HBP1: variants seen among roughly 807,000 people sequenced by gnomAD.
The protein encoded by HBP1 is HMG-box transcription factor 1, also known as HMG box-containing protein 1.
A neutral mutation model predicts 62.6 loss-of-function variants in HBP1; 20 were observed. The observed-to-expected ratio is 0.32, with a 90% CI of 0.22 to 0.46. HBP1 has a LOEUF of 0.46. HBP1 is among the 20% of genes least tolerant of loss of function. HBP1 has a pLI of 1.00. For missense variants in HBP1, 480 were observed against 611.8 expected, an observed-to-expected ratio of 0.78 and a Z score of 2.27; for synonymous variants, 232 against 206.2, an observed-to-expected ratio of 1.12 and a Z score of -1.07.
At position 107,171,073 on chromosome 7, in the gene HBP1, A is replaced by ATATATTTT; in HGVS notation, c.-16+1889_-16+1890insATATTTTT. Among the ~76,000 whole-genome samples the ATATATTTT allele has an allele frequency of 6.7e-4, 58 of 87,200 alleles. 5 individuals are homozygous for ATATATTTT. Among genetic ancestry groups the ATATATTTT allele is most frequent in the African/African-American group, 3.2e-3 (48 of 15,124 alleles). 57.2% of individuals were successfully genotyped at this position (87,200 alleles called of 152,430 possible). ...TATATATATATATATATATATATAT[A>ATATATTTT]TTTTTTTTTTTTTTTGAGAGGGAGT... On this transcript the variant is annotated intron_variant, in intron 1 of 10. Transcript: ENST00000222574.
chr7:107,186,986 C>G (rs1797409468), intron 6 of HBP1, among the ~76,000 whole-genome samples: 1 of 152,198 alleles, frequency 6.6e-6, no homozygotes, highest in African/African-American at 2.4e-5. Flanking sequence ...GGCGCAGTGG[C>G]TCATGCCTGT....
intron 1 of HBP1, among the ~76,000 whole-genome samples, chr7:107,175,156 C>T (rs1225804999): frequency 6.6e-6 from 1 of 151,910 alleles, no homozygotes; most frequent in Non-Finnish European, 1.5e-5. Flanking sequence ...TGTCCATAGA[C>T]TCAAAGAGAC....
chr7:107,169,594 C>T (rs1444005948), intron 1 of HBP1: 2 of 232,214 alleles, frequency 8.6e-6, no homozygotes, highest in Non-Finnish European at 1.3e-5. Flanking sequence ...GGAGCTTGGC[C>T]AGGGGTGGGG....
intron 8 of HBP1, among the ~76,000 whole-genome samples, chr7:107,191,319 T>C (rs1388826619): frequency 6.6e-6 from 1 of 152,184 alleles, no homozygotes. Context: ...ATACACTCTT[T>C]TTTGAAAAAC....
At position 107,195,944 on chromosome 7, in the gene HBP1, G is replaced by C. The variant is rs1295324608; in HGVS notation, c.1178G>C (p.Arg393Thr). The stretch of plus-strand genomic sequence containing the variant: ...GGACCTGGTGGTCAAGACTTTGCAA[G>C]ATCTGGATTCAGTAAAAACTGTGGC... ...CGGPGGQDFA[R>T]SGFSKNCGSP... is the part of the protein sequence containing the mutation. Residue 393 changes from arginine to threonine, a missense_variant, in exon 9 of 11, where the codon AGA becomes ACA. Coordinates refer to ENST00000222574, the MANE Select transcript of HBP1 (RefSeq NM_012257.4). The C allele has an allele frequency of 6.2e-7, 1 of 1,614,042 alleles. No individual in the cohort carries two copies. Among genetic ancestry groups the C allele is most frequent in the Admixed American group, 1.7e-5 (1 of 60,018 alleles).
intron 2 of HBP1, among the ~76,000 whole-genome samples, chr7:107,182,111 T>G (rs1315852368): frequency 6.6e-6 from 1 of 151,182 alleles, no homozygotes; most frequent in Non-Finnish European, 1.5e-5. Context: ...TGCCTTTTTC[T>G]TCATTAACTT....
chr7:107,189,736 A>G (rs1423756709), intron 7 of HBP1: 1 of 257,796 alleles, frequency 3.9e-6, no homozygotes, highest in African/African-American at 2.2e-5. Context: ...GTGATCTAGT[A>G]ATCACATTTT....
intron 1 of HBP1, among the ~76,000 whole-genome samples, chr7:107,179,388 A>C (rs1797003900): frequency 1.3e-5 from 2 of 152,204 alleles, no homozygotes; most frequent in African/African-American, 4.8e-5. Flanking sequence ...TTTAGTGCTG[A>C]GTATTCAGTT....
At chr7:107,188,985 A>G (rs574920640) in intron 6 of HBP1, among the ~76,000 whole-genome samples, 10 of 152,178 alleles carry the variant, frequency 6.6e-5, no homozygotes, top group Non-Finnish European at 1.3e-4. Context: ...GCATCTTTCT[A>G]AATTGCATTC....
At chr7:107,200,017 T>C in intron 9 of HBP1, 143 bp from the exon 10 acceptor site, 3 of 577,814 alleles carry the variant, frequency 5.2e-6, no homozygotes, top group South Asian at 2.9e-5. Context: ...ATGAGCATTA[T>C]GGCCTTGACC....
At position 107,195,818 on chromosome 7, in the gene HBP1, T is replaced by A. The variant is rs760534490; in HGVS notation, c.1068-16T>A. On this transcript the variant is annotated splice_polypyrimidine_tract_variant and intron_variant, in intron 8 of 10. Transcript: ENST00000222574. ...AAAATTGAATTAAAATATTATTATT[T>A]TTTTTAATTTTATAGCTATGACTTC... The A allele has an allele frequency of 8.2e-5, 99 of 1,205,492 alleles. No homozygotes were observed. Among genetic ancestry groups the A allele is most frequent in the African/African-American group, 3.1e-4 (20 of 65,106 alleles). 74.7% of individuals were successfully genotyped at this position (1,205,492 alleles called of 1,614,324 possible).
chr7:107,170,460 A>C (rs1796500058), intron 1 of HBP1, among the ~76,000 whole-genome samples: 1 of 151,976 alleles, frequency 6.6e-6, no homozygotes, highest in African/African-American at 2.4e-5. Flanking sequence ...CTTGCAAATG[A>C]GTGTGGTAGA....
chr7:107,199,014 G>A (rs1384512786), intron 9 of HBP1, among the ~76,000 whole-genome samples: 1 of 151,954 alleles, frequency 6.6e-6, no homozygotes, highest in African/African-American at 2.4e-5. Flanking sequence ...ACCATTATAT[G>A]GTACCTGTAA....
chr7:107,169,645 C>T (rs1381116832), intron 1 of HBP1: 33 of 711,502 alleles, frequency 4.6e-5, no homozygotes, highest in South Asian at 6.2e-5. Flanking sequence ...GCGCCGCCTC[C>T]TTCTGGACTG....
chr7:107,175,756 GC>G (rs61263638), intron 1 of HBP1, among the ~76,000 whole-genome samples: 14,744 of 140,904 alleles, frequency 0.1, 2,074 homozygotes, highest in African/African-American at 0.32. Context: ...TTGCTCTGTC[GC>G]CCAGGCTGGA....
At chr7:107,194,277 A>G (rs527994269) in intron 8 of HBP1, among the ~76,000 whole-genome samples, 1 of 152,324 alleles carries the variant, frequency 6.6e-6, no homozygotes, top group South Asian at 2.1e-4. Flanking sequence ...AATTTTAGTA[A>G]TTAGCTTACC....
chr7:107,200,507 C>T, intron 10 of HBP1: 1 of 386,176 alleles, frequency 2.6e-6, no homozygotes, highest in Non-Finnish European at 4.6e-6. Context: ...CATGGCAAGT[C>T]GAAATCTCAG....
At chr7:107,198,877 T>TGTCA (rs1018249079) in intron 9 of HBP1, among the ~76,000 whole-genome samples, 6 of 152,220 alleles carry the variant, frequency 3.9e-5, no homozygotes, top group Non-Finnish European at 7.3e-5. Flanking sequence ...TTTCATTACC[T>TGTCA]GTCATCTTTT....
intron 10 of HBP1, chr7:107,200,616 C>T: frequency 5.2e-6 from 1 of 192,990 alleles, no homozygotes; most frequent in Non-Finnish European, 1.1e-5. Flanking sequence ...ATTATTAATC[C>T]ATTAATATCA....
Sources: gnomAD v4.1 joint callset for allele counts (sites outside exome capture counted in the v4.1 genomes callset) on GRCh38, gnomAD v4.1.1 for gene constraint, MANE v1.5 for transcripts, NCBI Gene and HGNC (gene_info 2026-07-23, HGNC 2026-07-21) for gene names.